Variants in TEAD1 observed in about 807,000 individuals in gnomAD.
The protein encoded by TEAD1 is TEA domain transcription factor 1, also known as transcriptional enhancer factor TEF-1.
In TEAD1, 9 loss-of-function variants were observed where a neutral mutation model predicts 54.9. The observed-to-expected ratio is 0.16, with a 90% CI of 0.10 to 0.29. The LOEUF (loss-of-function observed/expected upper bound fraction) is 0.29. TEAD1 is among the 10% of genes least tolerant of loss of function. The pLI is 1.00. For synonymous variants in TEAD1, 200 were observed against 187.8 expected, an observed-to-expected ratio of 1.07 and a Z score of -0.53; for missense variants, 387 against 535.9, an observed-to-expected ratio of 0.72 and a Z score of 2.74.
intron 2 of TEAD1, among the ~76,000 whole-genome samples, chr11:12,763,599 C>CCAT (rs1483496495): frequency 6.6e-6 from 1 of 152,240 alleles, no homozygotes; most frequent in East Asian, 1.9e-4. Flanking sequence ...GATCCTGCCA[C>CCAT]CATCTTGCAT....
At chr11:12,884,931 G>C (rs1051091822) in intron 9 of TEAD1, among the ~76,000 whole-genome samples, 5 of 152,136 alleles carry the variant, frequency 3.3e-5, no homozygotes, top group African/African-American at 1.2e-4. Context: ...TTGAAGGCTG[G>C]GCTTTGGCCC....
At chr11:12,710,690 A>G (rs556953711) in intron 2 of TEAD1, among the ~76,000 whole-genome samples, 1 of 152,218 alleles carries the variant, frequency 6.6e-6, no homozygotes, top group African/African-American at 2.4e-5. Flanking sequence ...GTGAACAAGC[A>G]GGTAAGGTCC....
intron 3 of TEAD1, among the ~76,000 whole-genome samples, chr11:12,768,990 T>C (rs1945262538): frequency 1.3e-5 from 2 of 152,194 alleles, no homozygotes; most frequent in Admixed American, 6.5e-5. Flanking sequence ...ATCACAAGCC[T>C]GGCCTCGGTA....
Position 12,873,022 on chromosome 11 carries a change from A to G in TEAD1, c.331-6686A>G, listed in dbSNP as rs558792083. 3.9e-5 allele frequency among the ~76,000 whole-genome samples: 6 copies of G among 152,298 alleles called. No individual in the cohort carries two copies. In the East Asian group the frequency reaches 9.7e-4, roughly 25 times the overall value. ...TCACAAGTCTGAAGTTAATCCAGGG[A>G]TATCTGGTGCCACAAGCCAAGCTCT... On this transcript the variant is annotated intron_variant, in intron 5 of 12. Transcript: ENST00000527636.
intron 2 of TEAD1, among the ~76,000 whole-genome samples, chr11:12,758,414 T>G (rs1013608196): frequency 1.4e-5 from 2 of 143,374 alleles, no homozygotes; most frequent in Admixed American, 6.9e-5. Flanking sequence ...AGTTTTTTTT[T>G]TTTTTTTTTT....
chr11:12,897,725 T>C (rs1190009117), intron 9 of TEAD1, among the ~76,000 whole-genome samples: 2 of 152,234 alleles, frequency 1.3e-5, no homozygotes, highest in African/African-American at 4.8e-5. Context: ...TTGTGGACTC[T>C]ATCTGATGCA....
chr11:12,707,630 A>AT (rs1180409159), intron 2 of TEAD1, among the ~76,000 whole-genome samples: 4 of 152,204 alleles, frequency 2.6e-5, no homozygotes, highest in Admixed American at 2.6e-4. Flanking sequence ...AGAGAGAGAG[A>AT]GGGTGATAGC....
chr11:12,724,689 C>A (rs1416984473), intron 2 of TEAD1, among the ~76,000 whole-genome samples: 3 of 152,218 alleles, frequency 2.0e-5, no homozygotes, highest in African/African-American at 7.2e-5. Flanking sequence ...GCTGTTTCTC[C>A]GGCTCCCTGG....
chr11:12,713,449 A>G (rs1433751607), intron 2 of TEAD1, among the ~76,000 whole-genome samples: 2 of 152,236 alleles, frequency 1.3e-5, no homozygotes, highest in African/African-American at 2.4e-5. Flanking sequence ...ATGCAAATCT[A>G]TTCAAAACAT....
At chr11:12,781,124 T>A (rs945392143) in intron 3 of TEAD1, among the ~76,000 whole-genome samples, 3 of 152,242 alleles carry the variant, frequency 2.0e-5, no homozygotes, top group Admixed American at 6.5e-5. Flanking sequence ...CAACAAATGA[T>A]GCTGAGACAT....
chr11:12,837,539 G>A (rs1045586098), intron 3 of TEAD1, among the ~76,000 whole-genome samples: 6 of 152,096 alleles, frequency 3.9e-5, no homozygotes, highest in Admixed American at 6.5e-5. Context: ...AGAGATCAAG[G>A]TATTAACAGG....
intron 9 of TEAD1, among the ~76,000 whole-genome samples, chr11:12,891,520 C>G (rs1301571246): frequency 2.0e-5 from 3 of 152,184 alleles, no homozygotes; most frequent in Non-Finnish European, 2.9e-5. Flanking sequence ...ATGGTAATGA[C>G]TGGGTGTTGG....
intron 2 of TEAD1, among the ~76,000 whole-genome samples, chr11:12,707,574 T>C (rs1253495171): frequency 6.6e-6 from 1 of 152,248 alleles, no homozygotes; most frequent in Non-Finnish European, 1.5e-5. Flanking sequence ...TAATTTCTGC[T>C]TCTTGTAGCA....
chr11:12,900,571 C>T (rs967699922), intron 9 of TEAD1, among the ~76,000 whole-genome samples: 6 of 152,068 alleles, frequency 3.9e-5, no homozygotes, highest in African/African-American at 7.2e-5. Flanking sequence ...GAGGCACTTG[C>T]GCAGTATCAT....
chr11:12,922,073 G>C (rs548312800), intron 10 of TEAD1, among the ~76,000 whole-genome samples: 4 of 152,266 alleles, frequency 2.6e-5, no homozygotes, highest in African/African-American at 9.6e-5. Flanking sequence ...GCTGTACCCT[G>C]ACTGTTAGTA....
intron 3 of TEAD1, among the ~76,000 whole-genome samples, chr11:12,802,451 A>G (rs1946078596): frequency 6.6e-6 from 1 of 152,142 alleles, no homozygotes. Context: ...AAAGCCCATA[A>G]AGTAAAATAT....
intron 2 of TEAD1, among the ~76,000 whole-genome samples, chr11:12,750,612 T>C (rs1230859441): frequency 6.6e-6 from 1 of 152,088 alleles, no homozygotes; most frequent in African/African-American, 2.4e-5. Context: ...ACTCCTGGTG[T>C]TTCTGGTGTT....
At chr11:12,789,814 G>T (rs57495325) in intron 3 of TEAD1, among the ~76,000 whole-genome samples, 2 of 152,184 alleles carry the variant, frequency 1.3e-5, no homozygotes, top group Non-Finnish European at 2.9e-5. Flanking sequence ...GCATTGCTCC[G>T]AGTTGGGCCT....
chr11:12,793,525 C>G (rs967183988), intron 3 of TEAD1, among the ~76,000 whole-genome samples: 5 of 152,044 alleles, frequency 3.3e-5, no homozygotes, highest in Non-Finnish European at 7.4e-5. Context: ...TTCTTTCATA[C>G]AATATTGTTT....
Sources: gnomAD v4.1 joint callset for allele counts (sites outside exome capture counted in the v4.1 genomes callset) on GRCh38, gnomAD v4.1.1 for gene constraint, MANE v1.5 for transcripts, NCBI Gene and HGNC (gene_info 2026-07-23, HGNC 2026-07-21) for gene names.